MYO10: variants seen among roughly 807,000 people sequenced by gnomAD.
The protein encoded by MYO10 is myosin X, also known as unconventional myosin-X.
In MYO10, 133 loss-of-function variants were observed where a neutral mutation model predicts 257.3. That is an observed-to-expected ratio of 0.52 (90% CI 0.45 to 0.60). The LOEUF is 0.60. Among genes scored for constraint, MYO10 ranks in the 20% least tolerant of loss-of-function variants. The pLI is 0.00. For missense variants in MYO10, 2,399 were observed against 2,635.7 expected, an observed-to-expected ratio of 0.91 and a Z score of 1.97; for synonymous variants, 1,104 against 1,028.6, an observed-to-expected ratio of 1.07 and a Z score of -1.40.
chr5:16,931,629 AG>A (rs758549810), intron 1 of MYO10, among the ~76,000 whole-genome samples: 6 of 126,044 alleles, frequency 4.8e-5, no homozygotes, highest in African/African-American at 9.1e-5. Flanking sequence ...CCAACATAGC[AG>A]GGGGAAAAAA....
intron 19 of MYO10, among the ~76,000 whole-genome samples, chr5:16,712,997 C>T (rs1177026845): frequency 6.6e-6 from 1 of 152,144 alleles, no homozygotes; most frequent in Non-Finnish European, 1.5e-5. Flanking sequence ...GGTTACAATG[C>T]TTCTGTGAGA....
intron 10 of MYO10, 132 bp downstream of exon 10, chr5:16,768,942 C>G (rs1740964422): frequency 8.6e-7 from 1 of 1,158,830 alleles, no homozygotes; most frequent in Admixed American, 3.4e-5. Flanking sequence ...TCCCAAAGTG[C>G]TGGGGTTACA....
intron 1 of MYO10, chr5:16,902,756 C>T (rs1282615571): frequency 1.5e-5 from 10 of 664,046 alleles, no homozygotes; most frequent in African/African-American, 7.2e-5. Flanking sequence ...CCCGCCTTGG[C>T]GTCCCAAAGT....
chr5:16,911,489 C>T (rs1479000892), intron 1 of MYO10, among the ~76,000 whole-genome samples: 1 of 152,084 alleles, frequency 6.6e-6, no homozygotes, highest in South Asian at 2.1e-4. Context: ...CCCAGCACCT[C>T]GGGAGGCTGA....
intron 38 of MYO10, 130 bp from the exon 39 acceptor site, chr5:16,671,108 G>A (rs1262595723): frequency 1.1e-6 from 1 of 889,152 alleles, no homozygotes; most frequent in Non-Finnish European, 1.7e-6. Context: ...GGCTAAAACT[G>A]TACCCTCACC....
In MYO10 at chr5:16,916,885, A is replaced by T. The variant is rs531097700; in HGVS notation, c.21+18903T>A. 1.4e-4 allele frequency among the ~76,000 whole-genome samples: 22 copies of T among 152,338 alleles called. No individual in the cohort carries two copies. The South Asian group carries it at 3.3e-3, about 23-fold the overall frequency. On this transcript the variant is annotated intron_variant, in intron 1 of 40. Transcript: ENST00000513610. Reference sequence around the variant, plus strand: ...GTAACAAAAATGTTGGTAATTAACTAAAATAATTAGATGACACGAAGAGGT... The same window carrying T: ...GTAACAAAAATGTTGGTAATTAACTTAAATAATTAGATGACACGAAGAGGT...
chr5:16,827,348 G>A (rs928418302), intron 2 of MYO10, among the ~76,000 whole-genome samples: 1 of 152,120 alleles, frequency 6.6e-6, no homozygotes, highest in Non-Finnish European at 1.5e-5. Context: ...CAGTGGCACA[G>A]TCTCGACTCA....
intron 1 of MYO10, among the ~76,000 whole-genome samples, chr5:16,900,757 T>TTTTTTTTTA (rs1561048735): frequency 1.3e-5 from 2 of 150,988 alleles, no homozygotes; most frequent in African/African-American, 4.9e-5. Flanking sequence ...TTTTTTTTTT[T>TTTTTTTTTA]GAGACAGAGT....
intron 9 of MYO10, among the ~76,000 whole-genome samples, chr5:16,769,488 C>T (rs1048853364): frequency 2.0e-5 from 3 of 152,152 alleles, no homozygotes; most frequent in African/African-American, 7.2e-5. Context: ...GTGTGTGCCA[C>T]CATGCCTAGC....
chr5:16,850,765 G>C (rs1743776512), intron 2 of MYO10, among the ~76,000 whole-genome samples: 1 of 120,090 alleles, frequency 8.3e-6, no homozygotes, highest in Non-Finnish European at 1.6e-5. Flanking sequence ...GCTGGTCTAG[G>C]TTTTTCCTGC....
chr5:16,819,336 T>C (rs955632935), intron 2 of MYO10, among the ~76,000 whole-genome samples: 8 of 152,332 alleles, frequency 5.3e-5, no homozygotes, highest in Admixed American at 5.2e-4. Flanking sequence ...ATTTCTAATG[T>C]CTACTCAGTG....
At chr5:16,694,684 A>G in intron 26 of MYO10, 70 bp from the exon 27 acceptor site, 1 of 1,579,498 alleles carries the variant, frequency 6.3e-7, no homozygotes, top group East Asian at 2.2e-5. Context: ...AACAACATGC[A>G]TAGCAGGTGT....
chr5:16,911,855 T>C (rs1330849179), intron 1 of MYO10, among the ~76,000 whole-genome samples: 2 of 151,964 alleles, frequency 1.3e-5, no homozygotes, highest in East Asian at 1.9e-4. Flanking sequence ...CTGGCCAACA[T>C]GGTGAAACCC....
At chr5:16,698,084 T>C (rs1454683332) in intron 26 of MYO10, among the ~76,000 whole-genome samples, 2 of 152,144 alleles carry the variant, frequency 1.3e-5, no homozygotes, top group Non-Finnish European at 2.9e-5. Flanking sequence ...ATTAAATAAT[T>C]TTCTGGCTAG....
In MYO10 at chr5:16,853,661, G is replaced by A. The variant is rs190484955; in HGVS notation, c.120+23948C>T. 6.6e-4 allele frequency among the ~76,000 whole-genome samples: 101 copies of A among 152,236 alleles called. 1 individual carries two copies. The highest frequency in any genetic ancestry group is 2.4e-3 in the African/African-American group (100 of 41,556). On this transcript the variant is annotated intron_variant, in intron 2 of 40. Coordinates refer to ENST00000513610, the MANE Select transcript of MYO10 (RefSeq NM_012334.3). ...AAGAGGCCAGCTATTTATTGTCAAA[G>A]GCTGTCACCCCATCTGCTGTTGTGC...
rs70940395 is a variant in MYO10 at position 16,663,328 on chromosome 5, G to GTTTTTTTTTTTTTTTT, written c.*3348_*3363dup. 1 of 76,888 alleles carries GTTTTTTTTTTTTTTTT rather than the reference G, an allele frequency of 1.3e-5. No individual in the cohort carries two copies. Among genetic ancestry groups the GTTTTTTTTTTTTTTTT allele is most frequent in the Non-Finnish European group, 2.3e-5 (1 of 43,478 alleles). The allele number at this position is 76,888 out of a possible 1,614,324, so 4.8% of individuals were successfully genotyped here. A position where few individuals can be genotyped will look rare whatever the true frequency, so the allele number is the denominator to read the frequency against. On this transcript the variant is annotated 3_prime_UTR_variant, in exon 41 of 41. Coordinates refer to ENST00000513610, the MANE Select transcript of MYO10 (RefSeq NM_012334.3). Reference sequence around the variant, plus strand: ...AAAAAGTAACATTTTACTTCTAGTTGTTTTTTTTTTTTTTTTTTTTTTTTT... The same window carrying GTTTTTTTTTTTTTTTT: ...AAAAAGTAACATTTTACTTCTAGTTGTTTTTTTTTTTTTTTTTTTTTTTTTTTTTTTTTTTTTTTTT...
At chr5:16,722,490 T>C (rs1739190086) in intron 19 of MYO10, among the ~76,000 whole-genome samples, 1 of 119,254 alleles carries the variant, frequency 8.4e-6, no homozygotes, top group Non-Finnish European at 1.7e-5. Flanking sequence ...CTTACAGATT[T>C]TGGAGAAATG....
At chr5:16,920,893 G>A (rs1471416538) in intron 1 of MYO10, among the ~76,000 whole-genome samples, 1 of 152,064 alleles carries the variant, frequency 6.6e-6, no homozygotes, top group Non-Finnish European at 1.5e-5. Context: ...TGAGGTGGGC[G>A]AATCACTTGA....
intron 2 of MYO10, among the ~76,000 whole-genome samples, chr5:16,833,063 AC>A (rs1250305933): frequency 4.6e-5 from 7 of 151,836 alleles, no homozygotes; most frequent in African/African-American, 1.7e-4. Flanking sequence ...ACATCTTTCA[AC>A]CCAGACCTCT....
Sources: allele counts gnomAD v4.1 joint callset (sites outside exome capture counted in the v4.1 genomes callset), GRCh38; gene constraint gnomAD v4.1.1; transcripts MANE v1.5; gene names NCBI Gene and HGNC (gene_info 2026-07-23, HGNC 2026-07-21).